Variants in GPAT3 observed in about 807,000 individuals in gnomAD.
GPAT3 encodes the protein glycerol-3-phosphate acyltransferase 3.
Under a neutral mutation model 58.8 loss-of-function variants are expected in GPAT3, and 53 were observed. That is an observed-to-expected ratio of 0.90 (90% confidence interval 0.72 to 1.13). The LOEUF (loss-of-function observed/expected upper bound fraction) is 1.13. Ranked by LOEUF, GPAT3 falls within the 50% of genes most tolerant of loss-of-function variation. GPAT3 has a pLI of 0.00. For synonymous variants in GPAT3, 197 were observed against 187.4 expected (o/e 1.05, Z -0.42); for missense variants, 511 against 527.6 (o/e 0.97, Z 0.31).
At chr4:83,564,246 C>T (rs549629973) in intron 2 of GPAT3, among the ~76,000 whole-genome samples, 3 of 152,250 alleles carry the variant, frequency 2.0e-5, no homozygotes, top group South Asian at 2.1e-4. Flanking sequence ...AGTGGAAATG[C>T]GGTTTGGTTC....
chr4:83,543,240 C>T (rs998943975), intron 1 of GPAT3, among the ~76,000 whole-genome samples: 3 of 151,794 alleles, frequency 2.0e-5, no homozygotes, highest in African/African-American at 7.3e-5. Flanking sequence ...GTCAAGGCAG[C>T]AGCAAGCCCC....
chr4:83,591,885 G>A (rs549013055), intron 6 of GPAT3, among the ~76,000 whole-genome samples: 20 of 152,152 alleles, frequency 1.3e-4, no homozygotes, highest in Non-Finnish European at 2.8e-4. Context: ...TCTGGAGGCT[G>A]GGAAGTCCAA....
chr4:83,575,774 C>T (rs1173194857), intron 2 of GPAT3, among the ~76,000 whole-genome samples: 4 of 152,226 alleles, frequency 2.6e-5, no homozygotes, highest in Non-Finnish European at 4.4e-5. Context: ...TTAGAGCACT[C>T]ATAGTCTGGT....
chr4:83,578,947 CTTT>C (rs776919610), intron 2 of GPAT3, among the ~76,000 whole-genome samples: 3,005 of 25,278 alleles, frequency 0.12, 243 homozygotes, highest in South Asian at 0.17. Context: ...CTTTTCTTTT[CTTT>C]TCTTTCTTTC....
At chr4:83,565,102 A>G (rs1252870164) in intron 2 of GPAT3, among the ~76,000 whole-genome samples, 1 of 151,422 alleles carries the variant, frequency 6.6e-6, no homozygotes, top group Non-Finnish European at 1.5e-5. Flanking sequence ...TTATTTATTT[A>G]TTTATTTTAT....
chr4:83,566,382 T>C (rs1725383049), intron 2 of GPAT3, among the ~76,000 whole-genome samples: 1 of 150,950 alleles, frequency 6.6e-6, no homozygotes, highest in Admixed American at 6.6e-5. Context: ...TTCTTATTGC[T>C]TTTCCTATTT....
Position 83,571,711 on chromosome 4 carries a change from T to C in GPAT3, c.209-9851T>C, listed in dbSNP as rs1239776854. Reference sequence around the variant, plus strand: ...ATATATATATATACACACACACATATATATACACACACATATATATATATA... The same window carrying C: ...ATATATATATATACACACACACATACATATACACACACATATATATATATA... On this transcript the variant is annotated intron_variant, in intron 2 of 11. Transcript: ENST00000264409. Among the ~76,000 whole-genome samples the C allele has an allele frequency of 7.8e-5, 8 of 102,362 alleles. No homozygotes were observed. In the East Asian group the frequency reaches 3.2e-3, roughly 41 times the overall value. The allele number at this position is 102,362 out of a possible 152,430, so 67.2% of individuals were successfully genotyped here.
intron 2 of GPAT3, among the ~76,000 whole-genome samples, chr4:83,575,661 G>A (rs1266227175): frequency 1.3e-5 from 2 of 152,036 alleles, no homozygotes; most frequent in African/African-American, 2.4e-5. Flanking sequence ...TGATCCACCC[G>A]CCTCGGCCTC....
chr4:83,536,533 C>T lies in GPAT3; in HGVS notation c.-90C>T, dbSNP rs1021848140. ...GAGTGCCGGGCTCGGCGCTCTGCTC[C>T]TGGAGCTCCCGCGGGACTGCCTGGG... On this transcript the variant is annotated 5_prime_UTR_variant, in exon 1 of 12. Coordinates refer to ENST00000264409, the MANE Select transcript of GPAT3 (RefSeq NM_032717.5). 2.6e-6 allele frequency: 4 copies of T among 1,531,838 alleles called. No individual in the cohort carries two copies. In the African/African-American group the frequency reaches 4.1e-5, roughly 16 times the overall value. 94.9% of individuals were successfully genotyped at this position (1,531,838 alleles called of 1,614,324 possible).
intron 11 of GPAT3, among the ~76,000 whole-genome samples, chr4:83,599,181 A>C (rs1046325306): frequency 1.3e-5 from 2 of 152,154 alleles, no homozygotes; most frequent in African/African-American, 4.8e-5. Context: ...TTTATATATA[A>C]CAATGGCTTA....
At chr4:83,604,576 G>A (rs558904820) in intron 11 of GPAT3, 92 bp from the exon 12 acceptor site, 13 of 946,946 alleles carry the variant, frequency 1.4e-5, no homozygotes, top group African/African-American at 3.3e-5. Context: ...CTGCCTAAGC[G>A]TCATGGTATC....
chr4:83,570,567 G>A (rs1369185188), intron 2 of GPAT3, among the ~76,000 whole-genome samples: 3 of 151,330 alleles, frequency 2.0e-5, no homozygotes. Context: ...CCGCCTCCTG[G>A]GTTCAAGTGA....
chr4:83,569,765 G>A (rs1318278654), intron 2 of GPAT3, among the ~76,000 whole-genome samples: 1 of 152,062 alleles, frequency 6.6e-6, no homozygotes, highest in Non-Finnish European at 1.5e-5. Flanking sequence ...TTGGCTTATT[G>A]TAGGATGGCC....
At chr4:83,592,157 G>C (rs1465147015) in intron 6 of GPAT3, among the ~76,000 whole-genome samples, 1 of 152,174 alleles carries the variant, frequency 6.6e-6, no homozygotes, top group Non-Finnish European at 1.5e-5. Context: ...GGTCAACAAA[G>C]AGTTGAGTAT....
chr4:83,592,910 A>T (rs1354137225), intron 6 of GPAT3, among the ~76,000 whole-genome samples: 1 of 152,176 alleles, frequency 6.6e-6, no homozygotes. Context: ...TCTGTTGCCC[A>T]GGCTGGAGTG....
Position 83,579,081 on chromosome 4 carries a change from C to CCTTCCTTCCTT in GPAT3, c.209-2480_209-2479insTTCCTTCCTTC, listed in dbSNP as rs1560621462. On this transcript the variant is annotated intron_variant, in intron 2 of 11. Transcript: ENST00000264409. Reference sequence around the variant, plus strand: ...TTCTTTCTTTCTTTCTTTCTTTCTTCCCTTCCTTCCTTCCTTCCTTCCTTC... The same window carrying CCTTCCTTCCTT: ...TTCTTTCTTTCTTTCTTTCTTTCTTCCTTCCTTCCTTCCTTCCTTCCTTCCTTCCTTCCTTC... 3.3e-3 allele frequency among the ~76,000 whole-genome samples: 64 copies of CCTTCCTTCCTT among 19,640 alleles called. 2 individuals are homozygous for CCTTCCTTCCTT. The highest frequency in any genetic ancestry group is 8.7e-3 in the African/African-American group (47 of 5,410). The allele number at this position is 19,640 out of a possible 152,430, so 12.9% of individuals were successfully genotyped here.
chr4:83,561,331 A>T (rs1244244425), intron 2 of GPAT3, among the ~76,000 whole-genome samples: 3 of 152,244 alleles, frequency 2.0e-5, no homozygotes, highest in African/African-American at 7.2e-5. Flanking sequence ...GCTTGGTAGA[A>T]TATGTAAAAT....
chr4:83,556,562 A>AT (rs34164453), intron 2 of GPAT3, among the ~76,000 whole-genome samples: 20 of 150,050 alleles, frequency 1.3e-4, no homozygotes, highest in African/African-American at 3.4e-4. Flanking sequence ...TCTCAACGCT[A>AT]TTTTTTTTTC....
intron 2 of GPAT3, among the ~76,000 whole-genome samples, chr4:83,573,628 T>C (rs1725682576): frequency 1.3e-5 from 2 of 152,182 alleles, no homozygotes; most frequent in South Asian, 2.1e-4. Context: ...ATCACATTTA[T>C]GGGTCAGGAA....
Sources: allele counts gnomAD v4.1 joint callset (sites outside exome capture counted in the v4.1 genomes callset), GRCh38; gene constraint gnomAD v4.1.1; transcripts MANE v1.5; gene names NCBI Gene and HGNC (gene_info 2026-07-23, HGNC 2026-07-21).